Variants in GRID1 observed in about 807,000 individuals in gnomAD.
GRID1 encodes glutamate ionotropic receptor delta type subunit 1, also known as glutamate receptor ionotropic, delta-1.
Under a neutral mutation model 98.0 loss-of-function variants are expected in GRID1, and 28 were observed. The ratio of observed to expected loss-of-function variants is 0.29; its 90% CI spans 0.21 to 0.39. GRID1 has a LOEUF of 0.39. Ranked by LOEUF, GRID1 falls within the 10% of genes least tolerant of loss-of-function variation. The pLI is 1.00. For missense variants in GRID1, 1,111 were observed against 1,340.5 expected, an observed-to-expected ratio of 0.83 and a Z score of 2.67; for synonymous variants, 553 against 538.5, an observed-to-expected ratio of 1.03 and a Z score of -0.37.
At chr10:85,998,956 T>C (rs943346842) in intron 4 of GRID1, among the ~76,000 whole-genome samples, 1 of 152,214 alleles carries the variant, frequency 6.6e-6, no homozygotes, top group Non-Finnish European at 1.5e-5. Flanking sequence ...CTCACGCCTG[T>C]AATCCCAGCG....
chr10:85,651,063 G>T (rs1265441645), intron 12 of GRID1, among the ~76,000 whole-genome samples: 1 of 152,194 alleles, frequency 6.6e-6, no homozygotes, highest in Non-Finnish European at 1.5e-5. Context: ...GTGCTCAGCA[G>T]TCTATGTTTC....
In GRID1 at chr10:86,195,724, T is replaced by C. The variant is rs573419822; in HGVS notation, c.520+10640A>G. On this transcript the variant is annotated intron_variant, in intron 3 of 15. Transcript: ENST00000327946. This position sits in a 1 kb window ranked among gnomAD's most constrained non-coding sequence, Gnocchi z 4.4. ...CGTGAAGGGCTGAGAGGAGACATAA[T>C]GTTACCCACATGGCTGTGTCTGGGC... Among the ~76,000 whole-genome samples the C allele has an allele frequency of 2.7e-4, 41 of 152,208 alleles. 1 individual carries two copies. The South Asian group carries it at 8.5e-3, about 32-fold the overall frequency.
intron 8 of GRID1, among the ~76,000 whole-genome samples, chr10:85,780,305 T>C (rs1842369716): frequency 6.6e-6 from 1 of 152,150 alleles, no homozygotes; most frequent in Admixed American, 6.5e-5. Context: ...ATTCAGAACA[T>C]GCCCAGATGC....
chr10:85,635,140 A>G (rs188071244), intron 13 of GRID1, among the ~76,000 whole-genome samples: 1 of 152,080 alleles, frequency 6.6e-6, no homozygotes, highest in East Asian at 1.9e-4. Flanking sequence ...TCCAGAGCTT[A>G]CTCTATCAAA....
At chr10:85,978,878 C>T (rs1469850632) in intron 4 of GRID1, among the ~76,000 whole-genome samples, 1 of 152,198 alleles carries the variant, frequency 6.6e-6, no homozygotes, top group Non-Finnish European at 1.5e-5. Context: ...CTTACAGTAA[C>T]CCTCCAGAGA....
intron 12 of GRID1, among the ~76,000 whole-genome samples, chr10:85,683,574 C>A (rs145754883): frequency 6.6e-6 from 1 of 152,162 alleles, no homozygotes; most frequent in African/African-American, 2.4e-5. Flanking sequence ...TTAAAAGCAG[C>A]AGTTGTAAAG....
intron 10 of GRID1, among the ~76,000 whole-genome samples, chr10:85,726,673 A>G (rs940629312): frequency 6.6e-6 from 1 of 152,172 alleles, no homozygotes. Flanking sequence ...ACAAAAGACC[A>G]CATCTTGTGT....
intron 4 of GRID1, among the ~76,000 whole-genome samples, chr10:85,983,632 T>A (rs1211636099): frequency 6.6e-6 from 1 of 152,120 alleles, no homozygotes; most frequent in African/African-American, 2.4e-5. Flanking sequence ...CAGTTGCCCA[T>A]CCTCTCCTGG....
rs747388153 is a variant in GRID1 at position 86,262,190 on chromosome 10, T to C, written c.236-55542A>G. Among the ~76,000 whole-genome samples the C allele has an allele frequency of 2.8e-4, 43 of 152,306 alleles. 1 individual carries two copies. The highest frequency in any genetic ancestry group is 1.5e-3 in the South Asian group (7 of 4,818). On this transcript the variant is annotated intron_variant, in intron 2 of 15. Transcript: ENST00000327946. Reference sequence around the variant, plus strand: ...GATCTGAAAGCAGTTAGTCTGCCCCTCAGCAGCCTCTCGGAGCTCTGCTCC... The same window carrying C: ...GATCTGAAAGCAGTTAGTCTGCCCCCCAGCAGCCTCTCGGAGCTCTGCTCC...
At chr10:85,610,969 G>A (rs1208774310) in intron 15 of GRID1, among the ~76,000 whole-genome samples, 1 of 152,198 alleles carries the variant, frequency 6.6e-6, no homozygotes, top group African/African-American at 2.4e-5. Context: ...GTTGGCAACA[G>A]GGGCAGGAAG....
intron 4 of GRID1, among the ~76,000 whole-genome samples, chr10:86,132,420 G>A (rs1844851864): frequency 6.6e-6 from 1 of 152,196 alleles, no homozygotes; most frequent in African/African-American, 2.4e-5. Context: ...GAATTTCTAA[G>A]AGAAAATGTA....
At chr10:86,175,932 C>T (rs766647179) in intron 3 of GRID1, among the ~76,000 whole-genome samples, 2 of 152,232 alleles carry the variant, frequency 1.3e-5, no homozygotes, top group African/African-American at 2.4e-5. Context: ...TGGTCTCGAA[C>T]TGCCGGCTTC....
At chr10:86,009,413 A>T (rs960919630) in intron 4 of GRID1, among the ~76,000 whole-genome samples, 1 of 152,160 alleles carries the variant, frequency 6.6e-6, no homozygotes, top group Non-Finnish European at 1.5e-5. Context: ...CTAGGAGAGG[A>T]TTCTACAGCC....
intron 2 of GRID1, among the ~76,000 whole-genome samples, chr10:86,221,047 A>G (rs1013791229): frequency 6.6e-6 from 1 of 152,204 alleles, no homozygotes; most frequent in Non-Finnish European, 1.5e-5. Context: ...CTCCCTGGCC[A>G]TTCAGCCTGG....
At chr10:86,127,840 C>T (rs76359375) in intron 4 of GRID1, among the ~76,000 whole-genome samples, 4,020 of 152,284 alleles carry the variant, frequency 0.026, 185 homozygotes, top group African/African-American at 0.091. Context: ...TTGACCCCAA[C>T]AGCCCCAGAT....
intron 4 of GRID1, among the ~76,000 whole-genome samples, chr10:86,094,653 A>G (rs578259563): frequency 6.6e-6 from 1 of 151,760 alleles, no homozygotes; most frequent in African/African-American, 2.4e-5. Flanking sequence ...GGAGTCAAAG[A>G]CCTCTACAAG....
chr10:86,169,289 C>G (rs1344557387), intron 3 of GRID1, among the ~76,000 whole-genome samples: 1 of 152,340 alleles, frequency 6.6e-6, no homozygotes, highest in Non-Finnish European at 1.5e-5. Flanking sequence ...GCTTGTCAAG[C>G]CACGCTGTAG....
intron 3 of GRID1, among the ~76,000 whole-genome samples, chr10:86,196,292 G>T (rs1034821352): frequency 6.6e-6 from 1 of 152,020 alleles, no homozygotes; most frequent in Non-Finnish European, 1.5e-5. Context: ...AGCACAGTTT[G>T]TTCAGCGCTT....
chr10:85,768,834 T>G (rs909560010), intron 8 of GRID1, among the ~76,000 whole-genome samples: 1 of 152,250 alleles, frequency 6.6e-6, no homozygotes, highest in African/African-American at 2.4e-5. Context: ...TGGCAATATT[T>G]AGCAAAGTCA....
Sources: allele counts gnomAD v4.1 joint callset (sites outside exome capture counted in the v4.1 genomes callset), GRCh38; gene constraint gnomAD v4.1.1; non-coding constraint Gnocchi (gnomAD v3.1); transcripts MANE v1.5; gene names NCBI Gene and HGNC (gene_info 2026-07-23, HGNC 2026-07-21).